SRBD1: variants seen among roughly 807,000 people sequenced by gnomAD.
SRBD1 encodes S1 RNA binding domain 1, also known as S1 RNA-binding domain-containing protein 1.
SRBD1 carries 88 observed loss-of-function variants against 115.3 expected under a neutral mutation model. That is an observed-to-expected ratio of 0.76 (90% CI 0.64 to 0.91). The LOEUF (loss-of-function observed/expected upper bound fraction) is 0.91, where lower values mean the gene tolerates loss of function less well. SRBD1 is among the 40% of genes least tolerant of loss of function. SRBD1 has a pLI of 0.00. For missense variants in SRBD1, 1,385 were observed against 1,177.4 expected (o/e 1.18, Z -2.58); for synonymous variants, 509 against 407.7 (o/e 1.25, Z -2.99).
chr2:45,453,590 C>T (rs187500934), intron 16 of SRBD1, among the ~76,000 whole-genome samples: 1 of 151,788 alleles, frequency 6.6e-6, no homozygotes, highest in East Asian at 1.9e-4. Flanking sequence ...GTTGAGAGTT[C>T]CTATAAATTT....
intron 14 of SRBD1, among the ~76,000 whole-genome samples, chr2:45,498,597 T>C (rs949890355): frequency 1.1e-4 from 16 of 152,146 alleles, no homozygotes; most frequent in African/African-American, 3.6e-4. Context: ...TTACTGTTAA[T>C]TATAATTTCC....
chr2:45,399,842 T>C (rs538332076), intron 19 of SRBD1, among the ~76,000 whole-genome samples: 2 of 152,290 alleles, frequency 1.3e-5, no homozygotes, highest in South Asian at 4.2e-4. Flanking sequence ...TTAGAATTAA[T>C]ATAATTTAAT....
chr2:45,503,493 C>A (rs950014728), intron 14 of SRBD1, among the ~76,000 whole-genome samples: 6 of 152,136 alleles, frequency 3.9e-5, no homozygotes, highest in Non-Finnish European at 8.8e-5. Flanking sequence ...AGCATATTAT[C>A]TTAAAAATAC....
chr2:45,593,931 T>A (rs937316461), intron 4 of SRBD1, among the ~76,000 whole-genome samples: 1 of 152,238 alleles, frequency 6.6e-6, no homozygotes, highest in Non-Finnish European at 1.5e-5. Context: ...ATGTTGGTAA[T>A]GTTCTGGAAG....
chr2:45,519,536 T>C (rs1266799876), intron 14 of SRBD1, among the ~76,000 whole-genome samples: 1 of 152,230 alleles, frequency 6.6e-6, no homozygotes, highest in Non-Finnish European at 1.5e-5. Context: ...CCAAAGGTGA[T>C]TATTCCATTC....
intron 2 of SRBD1, among the ~76,000 whole-genome samples, chr2:45,604,283 C>G (rs1467882713): frequency 6.7e-6 from 1 of 150,228 alleles, no homozygotes. Context: ...AAATAAAATT[C>G]TAATACCAGG....
intron 2 of SRBD1, among the ~76,000 whole-genome samples, chr2:45,604,379 G>C (rs1378711823): frequency 2.0e-5 from 3 of 151,534 alleles, no homozygotes; most frequent in African/African-American, 7.3e-5. Context: ...GGAGGGGAGA[G>C]GGGAAGGGGG....
chr2:45,594,713 C>T (rs1044937158), intron 4 of SRBD1, among the ~76,000 whole-genome samples: 3 of 152,082 alleles, frequency 2.0e-5, no homozygotes, highest in Non-Finnish European at 4.4e-5. Flanking sequence ...CAGTAGGCCC[C>T]GATAGACCCT....
chr2:45,497,274 C>G (rs1478463221), intron 14 of SRBD1, among the ~76,000 whole-genome samples: 1 of 152,138 alleles, frequency 6.6e-6, no homozygotes, highest in East Asian at 1.9e-4. Flanking sequence ...GGGGACATAC[C>G]AAGAACATGA....
chr2:45,602,378 T>C (rs920901751), intron 2 of SRBD1, among the ~76,000 whole-genome samples: 2 of 152,240 alleles, frequency 1.3e-5, no homozygotes, highest in African/African-American at 2.4e-5. Context: ...AAATCATTTA[T>C]TACCTTAAGT....
intron 16 of SRBD1, among the ~76,000 whole-genome samples, chr2:45,431,485 T>C (rs1668334507): frequency 6.6e-6 from 1 of 152,150 alleles, no homozygotes; most frequent in Non-Finnish European, 1.5e-5. Flanking sequence ...TGCAGGGATA[T>C]GAAGCTGGAA....
chr2:45,444,707 A>T (rs1001411038), intron 16 of SRBD1, among the ~76,000 whole-genome samples: 1 of 152,216 alleles, frequency 6.6e-6, no homozygotes, highest in African/African-American at 2.4e-5. Flanking sequence ...TAATTTCAAT[A>T]ATCTTTTTCT....
intron 16 of SRBD1, among the ~76,000 whole-genome samples, chr2:45,436,705 G>C (rs1023093518): frequency 5.3e-5 from 8 of 152,084 alleles, no homozygotes; most frequent in African/African-American, 1.9e-4. Flanking sequence ...CAGCATAGGG[G>C]AAACCACCCC....
chr2:45,407,859 T>C (rs909648698), intron 19 of SRBD1, among the ~76,000 whole-genome samples: 1 of 151,916 alleles, frequency 6.6e-6, no homozygotes, highest in African/African-American at 2.4e-5. Flanking sequence ...AACTCATACA[T>C]AAATAAGGCC....
chr2:45,575,520 T>C (rs1041282727), intron 7 of SRBD1, among the ~76,000 whole-genome samples: 1 of 152,246 alleles, frequency 6.6e-6, no homozygotes, highest in Non-Finnish European at 1.5e-5. Context: ...ATATCATATG[T>C]ATATTTTCCT....
At position 45,571,157 on chromosome 2, in the gene SRBD1, G is replaced by A. The variant is rs77654700; in HGVS notation, c.1305+2050C>T. Among the ~76,000 whole-genome samples, 1,165 of 152,172 alleles carry A rather than the reference G, an allele frequency of 7.7e-3. 16 individuals are homozygous for A. Among genetic ancestry groups the A allele is most frequent in the African/African-American group, 0.027 (1,105 of 41,512 alleles). ...CATGCAAACAGGAAGAAAAGGCTACGGCAGAGCTGTTAATGGCCTCACTAA... is the reference window on the plus strand; with the variant it reads ...CATGCAAACAGGAAGAAAAGGCTACAGCAGAGCTGTTAATGGCCTCACTAA... On this transcript the variant is annotated intron_variant, in intron 9 of 20. Coordinates refer to ENST00000263736, the MANE Select transcript of SRBD1 (RefSeq NM_018079.5).
intron 16 of SRBD1, among the ~76,000 whole-genome samples, chr2:45,438,187 G>C (rs546694263): frequency 6.6e-6 from 1 of 152,026 alleles, no homozygotes; most frequent in African/African-American, 2.4e-5. Flanking sequence ...AATAAGTCTT[G>C]AAAAAAATCC....
intron 7 of SRBD1, among the ~76,000 whole-genome samples, chr2:45,577,047 A>C (rs13387525): frequency 0.16 from 24,282 of 152,186 alleles, 2,942 homozygotes; most frequent in African/African-American, 0.34. Context: ...GACTGTGGAA[A>C]TGAAGTACTT....
intron 11 of SRBD1, among the ~76,000 whole-genome samples, chr2:45,552,208 G>A (rs73927538): frequency 0.047 from 7,147 of 152,148 alleles, 580 homozygotes; most frequent in African/African-American, 0.16. Context: ...AAAATAAAAT[G>A]GTCTAAAAAA....
Sources: gnomAD v4.1 joint callset for allele counts (sites outside exome capture counted in the v4.1 genomes callset) on GRCh38, gnomAD v4.1.1 for gene constraint, MANE v1.5 for transcripts, NCBI Gene and HGNC (gene_info 2026-07-23, HGNC 2026-07-21) for gene names.